TRAPPC10: variants seen among roughly 807,000 people sequenced by gnomAD.
TRAPPC10 encodes trafficking protein particle complex subunit 10, also known as TRAPP 130 kDa subunit.
In TRAPPC10, 23 loss-of-function variants were observed where a neutral mutation model predicts 125.5. That is an observed-to-expected ratio of 0.18 (90% CI 0.13 to 0.26). The LOEUF is 0.26. Among genes scored for constraint, TRAPPC10 ranks in the 10% least tolerant of loss-of-function variants. TRAPPC10 has a pLI of 1.00. For missense variants in TRAPPC10, 1,123 were observed against 1,308.4 expected, an observed-to-expected ratio of 0.86 and a Z score of 2.19; for synonymous variants, 509 against 518.0, an observed-to-expected ratio of 0.98 and a Z score of 0.24.
At chr21:44,071,321 T>C (rs1028275017) in intron 7 of TRAPPC10, among the ~76,000 whole-genome samples, 4 of 152,248 alleles carry the variant, frequency 2.6e-5, no homozygotes, top group African/African-American at 7.2e-5. Context: ...CATCGACCTC[T>C]AAATTTAGGG....
chr21:44,017,430 T>C (rs1454839091), intron 1 of TRAPPC10, among the ~76,000 whole-genome samples: 4 of 152,148 alleles, frequency 2.6e-5, no homozygotes, highest in African/African-American at 9.6e-5. Flanking sequence ...AAAAAGTTAC[T>C]AAGGAGAGGT....
intron 1 of TRAPPC10, among the ~76,000 whole-genome samples, chr21:44,026,949 C>T (rs747823404): frequency 7.2e-5 from 11 of 152,196 alleles, no homozygotes; most frequent in Admixed American, 2.0e-4. Flanking sequence ...CTGGGGCCTA[C>T]TAAGCCCTAC....
At chr21:44,013,722 CCT>C (rs892874672) in intron 1 of TRAPPC10, among the ~76,000 whole-genome samples, 3 of 152,162 alleles carry the variant, frequency 2.0e-5, no homozygotes, top group African/African-American at 4.8e-5. Flanking sequence ...CTCCTCTCCT[CCT>C]CTCTCTTTTT....
intron 4 of TRAPPC10, among the ~76,000 whole-genome samples, chr21:44,053,178 G>A (rs1466811841): frequency 1.3e-5 from 2 of 152,178 alleles, no homozygotes; most frequent in Non-Finnish European, 2.9e-5. Flanking sequence ...TTATGGTGGC[G>A]AGGGTTCAGA....
chr21:44,089,510 C>T (rs753065736), intron 17 of TRAPPC10: 10 of 485,044 alleles, frequency 2.1e-5, no homozygotes, highest in South Asian at 4.6e-5. Flanking sequence ...CATGGCTCCG[C>T]GGCCCTGCGT....
At chr21:44,095,547 GT>G (rs879736478) in intron 20 of TRAPPC10, among the ~76,000 whole-genome samples, 2 of 147,500 alleles carry the variant, frequency 1.4e-5, no homozygotes, top group Admixed American at 6.8e-5. Flanking sequence ...TAAAGTATGG[GT>G]TTTTTTTTGT....
intron 4 of TRAPPC10, 72 bp downstream of exon 4, chr21:44,052,548 G>C: frequency 7.1e-7 from 1 of 1,399,804 alleles, no homozygotes; most frequent in Non-Finnish European, 9.7e-7. Context: ...TTCCTGGGTA[G>C]TAATAAATAT....
chr21:44,069,503 G>A (rs993084578), intron 7 of TRAPPC10, among the ~76,000 whole-genome samples: 3 of 152,162 alleles, frequency 2.0e-5, no homozygotes, highest in Admixed American at 6.5e-5. Context: ...GGCTTTCCTC[G>A]GGTATCAGTG....
rs79641059 is a variant in TRAPPC10, at chr21:44,082,658, C to T, written c.1724-130C>T. 23 of 1,005,918 alleles carry T rather than the reference C, an allele frequency of 2.3e-5. No homozygotes were observed. Among genetic ancestry groups the T allele is most frequent in the Non-Finnish European group, 3.1e-5 (21 of 669,476 alleles). 62.3% of individuals were successfully genotyped at this position (1,005,918 alleles called of 1,614,324 possible). ...TGTGAAGATGGCAGGAGGCTGGGCT[C>T]AGCTGCTGTGCCCATCACTGCTGCT... is the stretch of plus-strand genomic sequence containing the variant. On this transcript the variant is annotated intron_variant, in intron 13 of 22. Transcript: ENST00000291574. This position sits in a 1 kb window ranked among gnomAD's most constrained non-coding sequence, Gnocchi z 4.4.
At chr21:44,079,518 A>T (rs771474389) in intron 11 of TRAPPC10, 46 bp from the exon 12 acceptor site, 2 of 1,564,754 alleles carry the variant, frequency 1.3e-6, no homozygotes, top group Non-Finnish European at 1.7e-6. Context: ...CAGTGTGTTG[A>T]TTATCCCTAG....
At chr21:44,027,409 T>A (rs2033172547) in intron 1 of TRAPPC10, among the ~76,000 whole-genome samples, 1 of 152,220 alleles carries the variant, frequency 6.6e-6, no homozygotes, top group South Asian at 2.1e-4. Flanking sequence ...AAATGTTCAC[T>A]CTGTCTGCGG....
chr21:44,081,005 C>CTTTTTTTTTTTCTTTTTTTTT (rs1601787665), intron 13 of TRAPPC10, among the ~76,000 whole-genome samples: 2 of 103,870 alleles, frequency 1.9e-5, no homozygotes, highest in Admixed American at 1.0e-4. Context: ...TATTATTGTT[C>CTTTTTTTTTTTCTTTTTTTTT]TTTTTTTTTT....
At chr21:44,051,200 G>C (rs1347666647) in intron 3 of TRAPPC10, among the ~76,000 whole-genome samples, 2 of 152,174 alleles carry the variant, frequency 1.3e-5, no homozygotes, top group Non-Finnish European at 2.9e-5. Context: ...CACTGTGCCT[G>C]GCCAGGATTT....
intron 1 of TRAPPC10, among the ~76,000 whole-genome samples, chr21:44,023,575 A>C (rs2032771569): frequency 6.6e-6 from 1 of 152,138 alleles, no homozygotes; most frequent in Admixed American, 6.5e-5. Context: ...TTTCCTATCT[A>C]GCCTGACAAG....
At chr21:44,028,769 G>T (rs912143939) in intron 1 of TRAPPC10, among the ~76,000 whole-genome samples, 13 of 152,192 alleles carry the variant, frequency 8.5e-5, no homozygotes, top group African/African-American at 3.1e-4. Flanking sequence ...CAGTGAACTG[G>T]GTGACTTTGT....
intron 2 of TRAPPC10, among the ~76,000 whole-genome samples, chr21:44,036,083 T>G (rs1392102164): frequency 6.6e-6 from 1 of 152,012 alleles, no homozygotes; most frequent in Non-Finnish European, 1.5e-5. Flanking sequence ...AGAGGACAGG[T>G]GACATTTGAA....
chr21:44,067,159 G>T (rs1345558567), intron 7 of TRAPPC10, among the ~76,000 whole-genome samples: 1 of 152,222 alleles, frequency 6.6e-6, no homozygotes, highest in Admixed American at 6.5e-5. Context: ...CTAGCCTGTG[G>T]CACGGAGGAA....
intron 7 of TRAPPC10, among the ~76,000 whole-genome samples, chr21:44,068,828 C>T (rs2036645837): frequency 6.6e-6 from 1 of 152,100 alleles, no homozygotes; most frequent in Non-Finnish European, 1.5e-5. Flanking sequence ...TCTTGAACTC[C>T]TGAGCGCAAG....
At chr21:44,058,769 C>A (rs540221223) in intron 5 of TRAPPC10, among the ~76,000 whole-genome samples, 1 of 152,174 alleles carries the variant, frequency 6.6e-6, no homozygotes, top group Admixed American at 6.5e-5. Context: ...AGGAACCAGC[C>A]GTCTGACCAG....
Sources: allele counts gnomAD v4.1 joint callset (sites outside exome capture counted in the v4.1 genomes callset), GRCh38; gene constraint gnomAD v4.1.1; non-coding constraint Gnocchi (gnomAD v3.1); transcripts MANE v1.5; gene names NCBI Gene and HGNC (gene_info 2026-07-23, HGNC 2026-07-21).